KIRREL3: variants seen among roughly 807,000 people sequenced by gnomAD.
The protein encoded by KIRREL3 is kin of IRRE-like protein 3.
KIRREL3 carries 36 observed loss-of-function variants against 89.7 expected under a neutral mutation model. The ratio of observed to expected loss-of-function variants is 0.40; its 90% CI spans 0.31 to 0.53. KIRREL3 has a LOEUF of 0.53. Ranked by LOEUF, KIRREL3 falls within the 20% of genes least tolerant of loss-of-function variation. KIRREL3 has a pLI of 0.49. For synonymous variants in KIRREL3, 445 were observed against 441.4 expected (o/e 1.01, Z -0.10); for missense variants, 864 against 1,056.6 (o/e 0.82, Z 2.53).
chr11:126,851,209 T>C (rs1395497667), intron 1 of KIRREL3, among the ~76,000 whole-genome samples: 2 of 152,220 alleles, frequency 1.3e-5, no homozygotes, highest in Non-Finnish European at 2.9e-5. Flanking sequence ...TAAGGTGACA[T>C]AGTGAATGAA....
intron 1 of KIRREL3, among the ~76,000 whole-genome samples, chr11:126,600,778 A>G (rs7930848): frequency 3.5e-3 from 537 of 152,336 alleles, no homozygotes; most frequent in African/African-American, 0.012. Context: ...AGGGCTCCTT[A>G]TACACCTTTG....
rs114511930 is a variant in KIRREL3 at position 126,830,484 on chromosome 11, G to C, written c.55+169971C>G. On this transcript the variant is annotated intron_variant, in intron 1 of 16. Coordinates refer to ENST00000525144, the MANE Select transcript of KIRREL3 (RefSeq NM_032531.4). The surrounding 1 kb of genome is among the most constrained non-coding windows in gnomAD (Gnocchi z 4.9). ...TAGCATTAACATTTCTAAGTGACAG[G>C]CCTCTGAATTGGACTGCAAGGAGCT... Among the ~76,000 whole-genome samples the C allele has an allele frequency of 6.6e-6, 1 of 152,102 alleles. No homozygotes were observed. The highest frequency in any genetic ancestry group is 2.1e-4 in the South Asian group (1 of 4,806).
At chr11:126,481,849 C>CT (rs1157793366) in intron 4 of KIRREL3, among the ~76,000 whole-genome samples, 1 of 152,206 alleles carries the variant, frequency 6.6e-6, no homozygotes, top group African/African-American at 2.4e-5. Flanking sequence ...TGCTGAATGT[C>CT]TAGCATTCCT....
chr11:126,888,419 A>G (rs923104976), intron 1 of KIRREL3, among the ~76,000 whole-genome samples: 1 of 152,190 alleles, frequency 6.6e-6, no homozygotes, highest in African/African-American at 2.4e-5. Flanking sequence ...CAGGCTGCCT[A>G]CAAATCAGGG....
rs1262790176 is a variant in KIRREL3 at position 126,993,490 on chromosome 11, T to C, written c.55+6965A>G. ...ATATCAAGCATGATGTCATCTCCTC[T>C]GTGCAACCTTTTCTGATGCCTTTGC... On this transcript the variant is annotated intron_variant, in intron 1 of 16. Transcript: ENST00000525144. This position sits in a 1 kb window ranked among gnomAD's most constrained non-coding sequence, Gnocchi z 6.1. Among the ~76,000 whole-genome samples, 1 of 152,256 alleles carries C rather than the reference T, an allele frequency of 6.6e-6. No homozygotes were observed. Among genetic ancestry groups the C allele is most frequent in the Non-Finnish European group, 1.5e-5 (1 of 68,052 alleles).
rs1939999 is a variant in KIRREL3 at position 126,903,983 on chromosome 11, G to A, written c.55+96472C>T. 0.36 allele frequency among the ~76,000 whole-genome samples: 54,104 copies of A among 151,924 alleles called. 9,768 individuals carry two copies. The highest frequency in any genetic ancestry group is 0.45 in the Admixed American group (6,886 of 15,260). On this transcript the variant is annotated intron_variant, in intron 1 of 16. Transcript: ENST00000525144. This position sits in a 1 kb window ranked among gnomAD's most constrained non-coding sequence, Gnocchi z 4.5. ...TTCTTTACAAGGTGACCCTATAATA[G>A]CTATCCCCTTGGTAGATAGCACATC...
chr11:126,911,738 C>T (rs1255077065), intron 1 of KIRREL3, among the ~76,000 whole-genome samples: 1 of 151,976 alleles, frequency 6.6e-6, no homozygotes, highest in East Asian at 1.9e-4. Flanking sequence ...AATCCCAGCA[C>T]TTTGGGAGGC....
At chr11:126,944,233 ATCT>A (rs918233391) in intron 1 of KIRREL3, 1 of 152,242 alleles carries the variant, frequency 6.6e-6, no homozygotes, top group Non-Finnish European at 1.5e-5. Context: ...GTTTCCCTGT[ATCT>A]TTGGGTCTTC....
rs1024181187 is a variant in KIRREL3 at position 126,531,452 on chromosome 11, T to C, written c.134-4765A>G. 1.3e-5 allele frequency among the ~76,000 whole-genome samples: 2 copies of C among 152,084 alleles called. No homozygotes were observed. The highest frequency in any genetic ancestry group is 1.5e-5 in the Non-Finnish European group (1 of 68,020). ...TCTAATCTCCAAAATCCAGCTCCTT[T>C]TCTTCCTGGGAGCTCCACAGCACCC... On this transcript the variant is annotated intron_variant, in intron 2 of 16. Coordinates refer to ENST00000525144, the MANE Select transcript of KIRREL3 (RefSeq NM_032531.4). The surrounding 1 kb of genome is among the most constrained non-coding windows in gnomAD (Gnocchi z 4.7).
chr11:126,919,908 A>G (rs1378931027), intron 1 of KIRREL3, among the ~76,000 whole-genome samples: 1 of 152,226 alleles, frequency 6.6e-6, no homozygotes, highest in Non-Finnish European at 1.5e-5. Context: ...CAATATTGTT[A>G]CTAAACAATA....
In KIRREL3 at chr11:126,969,851, T is replaced by C. The variant is rs1949380160; in HGVS notation, c.55+30604A>G. Among the ~76,000 whole-genome samples the C allele has an allele frequency of 2.0e-5, 3 of 152,188 alleles. No homozygotes were observed. Among genetic ancestry groups the C allele is most frequent in the African/African-American group, 7.2e-5 (3 of 41,440 alleles). The stretch of plus-strand genomic sequence containing the variant: ...CCTTTCCCTTCTCTTCTCCTTTCTC[T>C]CTACTCTGCATGGAAATGCAAAATG... On this transcript the variant is annotated intron_variant, in intron 1 of 16. Transcript: ENST00000525144. The surrounding 1 kb of genome is among the most constrained non-coding windows in gnomAD (Gnocchi z 4.9).
chr11:126,450,660 AGT>A (rs201126676), intron 7 of KIRREL3, among the ~76,000 whole-genome samples: 1,866 of 97,080 alleles, frequency 0.019, 35 homozygotes, highest in African/African-American at 0.069. Flanking sequence ...TGTGTGCATG[AGT>A]GTGTGTGTGT....
intron 6 of KIRREL3, among the ~76,000 whole-genome samples, chr11:126,460,002 A>C (rs1956491419): frequency 6.6e-6 from 1 of 152,208 alleles, no homozygotes; most frequent in Admixed American, 6.5e-5. Flanking sequence ...TTGACTGAGA[A>C]AATGAGCAGG....
Position 126,763,745 on chromosome 11 carries a change from C to T in KIRREL3, c.56-200833G>A, listed in dbSNP as rs894628394. Among the ~76,000 whole-genome samples the T allele has an allele frequency of 3.3e-5, 5 of 152,160 alleles. No homozygotes were observed. Among genetic ancestry groups the T allele is most frequent in the Non-Finnish European group, 7.3e-5 (5 of 68,028 alleles). ...TTGTGAAATGGGGACAATAGAAACA[C>T]CCCTCTCAAACGTAGGGAAAGCTTG... On this transcript the variant is annotated intron_variant, in intron 1 of 16. Coordinates refer to ENST00000525144, the MANE Select transcript of KIRREL3 (RefSeq NM_032531.4). The surrounding 1 kb of genome is among the most constrained non-coding windows in gnomAD (Gnocchi z 4.7).
At position 126,816,828 on chromosome 11, in the gene KIRREL3, G is replaced by A. The variant is rs141111862; in HGVS notation, c.55+183627C>T. Among the ~76,000 whole-genome samples the A allele has an allele frequency of 3.8e-3, 573 of 152,254 alleles. 5 individuals carry two copies. Among genetic ancestry groups the A allele is most frequent in the African/African-American group, 0.013 (537 of 41,546 alleles). On this transcript the variant is annotated intron_variant, in intron 1 of 16. Coordinates refer to ENST00000525144, the MANE Select transcript of KIRREL3 (RefSeq NM_032531.4). ...AGGAGGCTGACCACAATCAATAATC[G>A]TTCAGGAAACAAACGCAGGGAAGAG...
At chr11:126,435,325 G>A (rs767035796) in intron 12 of KIRREL3, 22 bp from the exon 13 acceptor site, 69 of 1,610,034 alleles carry the variant, frequency 4.3e-5, no homozygotes, top group African/African-American at 1.2e-4. Context: ...TAAAGCAAGC[G>A]TCTACAGCCA....
At chr11:126,910,526 A>G (rs1327863725) in intron 1 of KIRREL3, among the ~76,000 whole-genome samples, 2 of 152,202 alleles carry the variant, frequency 1.3e-5, no homozygotes, top group Admixed American at 6.5e-5. Context: ...ACTATTTGCT[A>G]AGAGCTTACT....
intron 4 of KIRREL3, among the ~76,000 whole-genome samples, chr11:126,512,831 C>T (rs1304151558): frequency 6.6e-6 from 1 of 152,174 alleles, no homozygotes; most frequent in African/African-American, 2.4e-5. Flanking sequence ...GCCCCAACCC[C>T]AAACCATGAG....
At chr11:126,842,346 T>C (rs183403889) in intron 1 of KIRREL3, among the ~76,000 whole-genome samples, 90 of 152,242 alleles carry the variant, frequency 5.9e-4, no homozygotes, top group African/African-American at 2.0e-3. Context: ...CTCTTTGCCA[T>C]GAAAAAAACC....
Sources: allele counts gnomAD v4.1 joint callset (sites outside exome capture counted in the v4.1 genomes callset), GRCh38; gene constraint gnomAD v4.1.1; non-coding constraint Gnocchi (gnomAD v3.1); transcripts MANE v1.5; gene names NCBI Gene and HGNC (gene_info 2026-07-23, HGNC 2026-07-21).